RAD9B: variants seen among roughly 807,000 people sequenced by gnomAD.
The protein encoded by RAD9B is cell cycle checkpoint control protein RAD9B.
In RAD9B, 41 loss-of-function variants were observed where a neutral mutation model predicts 48.3. The ratio of observed to expected loss-of-function variants is 0.85; its 90% CI spans 0.66 to 1.10. The LOEUF (loss-of-function observed/expected upper bound fraction) is 1.10. Among genes scored for constraint, RAD9B ranks in the 50% least tolerant of loss-of-function variants. The pLI, the probability that RAD9B is intolerant of heterozygous loss-of-function variation, is 0.00. For synonymous variants in RAD9B, 160 were observed against 157.9 expected (o/e 1.01, Z -0.10); for missense variants, 444 against 485.1 (o/e 0.92, Z 0.80).
At chr12:110,505,966 C>A (rs1236568760) in intron 3 of RAD9B, among the ~76,000 whole-genome samples, 194 bp downstream of exon 3, 1 of 150,338 alleles carries the variant, frequency 6.7e-6, no homozygotes, top group Non-Finnish European at 1.5e-5. Context: ...CTCACTGCAA[C>A]CTCTGCCTCC....
In RAD9B at chr12:110,531,958, G is replaced by C. The variant is rs2064152206; in HGVS notation, c.*1305G>C. On this transcript the variant is annotated 3_prime_UTR_variant, in exon 11 of 11. Coordinates refer to ENST00000409300, the MANE Select transcript of RAD9B (RefSeq NM_001286535.2). ...TTGTGAGAAATTCATAAAGGTGGCT[G>C]AGTGGATTTGCATGCTTTAGAACTG... The C allele has an allele frequency of 1.8e-5, 5 of 283,112 alleles. No individual in the cohort carries two copies. In the South Asian group the frequency reaches 2.4e-4, roughly 13 times the overall value. The allele number at this position is 283,112 out of a possible 1,614,324, so 17.5% of individuals were successfully genotyped here.
Position 110,530,911 on chromosome 12 carries a change from GTTC to G in RAD9B, c.*262_*264del. On this transcript the variant is annotated 3_prime_UTR_variant, in exon 11 of 11. Transcript: ENST00000409300. ...CTGTGAAGGAAAAAAGCCCATTAGA[GTTC>G]TTCAATTCAATGCACGTTCACCCTA... The G allele has an allele frequency of 1.7e-6, 2 of 1,199,498 alleles. No individual in the cohort carries two copies. Among genetic ancestry groups the G allele is most frequent in the Non-Finnish European group, 2.1e-6 (2 of 961,420 alleles). 74.3% of individuals were successfully genotyped at this position (1,199,498 alleles called of 1,614,324 possible).
chr12:110,511,657 T>C (rs1490317223), intron 4 of RAD9B: 1 of 230,776 alleles, frequency 4.3e-6, no homozygotes, highest in African/African-American at 2.3e-5. Flanking sequence ...TAATGTGGGG[T>C]AGCAGAGTAG....
At chr12:110,522,536 G>C in intron 10 of RAD9B, 125 bp downstream of exon 10, 1 of 679,566 alleles carries the variant, frequency 1.5e-6, no homozygotes, top group Non-Finnish European at 2.5e-6. Flanking sequence ...TTTGATAGGG[G>C]AAAAGTGAAG....
At chr12:110,519,942 T>C in intron 9 of RAD9B, 26 bp downstream of exon 9, 1 of 1,605,008 alleles carries the variant, frequency 6.2e-7, no homozygotes, top group Middle Eastern at 1.7e-4. Flanking sequence ...AACTTCTTTA[T>C]TACTTGGGAC....
intron 5 of RAD9B, among the ~76,000 whole-genome samples, chr12:110,513,822 C>G (rs1056842858): frequency 1.3e-5 from 2 of 151,600 alleles, no homozygotes; most frequent in Non-Finnish European, 2.9e-5. Context: ...CTCCTGGGTT[C>G]AAACAATTCT....
In RAD9B at chr12:110,531,014, A is replaced by G; in HGVS notation, c.*361A>G. ...AACAGCCATTTAGAGTGCCATCAAG[A>G]TGGCTTGAAATGGAATTTTGTGATT... On this transcript the variant is annotated 3_prime_UTR_variant, in exon 11 of 11. Coordinates refer to ENST00000409300, the MANE Select transcript of RAD9B (RefSeq NM_001286535.2). The G allele has an allele frequency of 2.0e-6, 2 of 1,008,746 alleles. No individual in the cohort carries two copies. The highest frequency in any genetic ancestry group is 2.4e-6 in the Non-Finnish European group (2 of 845,476). The allele number at this position is 1,008,746 out of a possible 1,614,324, so 62.5% of individuals were successfully genotyped here.
Position 110,530,711 on chromosome 12 carries a change from G to A in RAD9B, c.*58G>A. 16 of 1,605,722 alleles carry A rather than the reference G, an allele frequency of 1.0e-5. No individual in the cohort carries two copies. The highest frequency in any genetic ancestry group is 1.3e-5 in the African/African-American group (1 of 74,722). ...AGTGACTGGCTCATTTGCCCCTCAA[G>A]CACGAGTTTGCATGTTTAGTGTCTA... On this transcript the variant is annotated 3_prime_UTR_variant, in exon 11 of 11. Coordinates refer to ENST00000409300, the MANE Select transcript of RAD9B (RefSeq NM_001286535.2).
Position 110,533,375 on chromosome 12 carries a change from AT to A in RAD9B, c.*2723del, listed in dbSNP as rs1213490227. 3.9e-5 allele frequency: 6 copies of A among 152,204 alleles called. No homozygotes were observed. Among genetic ancestry groups the A allele is most frequent in the African/African-American group, 1.4e-4 (6 of 41,444 alleles). The allele number at this position is 152,204 out of a possible 1,614,324, so 9.4% of individuals were successfully genotyped here. A position where few individuals can be genotyped will look rare whatever the true frequency, so the allele number is the denominator to read the frequency against. The stretch of plus-strand genomic sequence containing the variant: ...TGCCTCTTGGGTAATAAGACAAATA[AT>A]GATAGTCTCAACAGAAAAAAAGCAG... On this transcript the variant is annotated 3_prime_UTR_variant, in exon 11 of 11. Coordinates refer to ENST00000409300, the MANE Select transcript of RAD9B (RefSeq NM_001286535.2).
intron 10 of RAD9B, among the ~76,000 whole-genome samples, chr12:110,525,205 G>C (rs2063899561): frequency 6.6e-6 from 1 of 151,942 alleles, no homozygotes; most frequent in African/African-American, 2.4e-5. Flanking sequence ...TGGCCAGGAT[G>C]GTCTCGATCT....
intron 5 of RAD9B, 40 bp downstream of exon 5, chr12:110,512,918 C>A: frequency 2.1e-6 from 2 of 974,012 alleles, no homozygotes; most frequent in Non-Finnish European, 3.2e-6. Context: ...CACCTGAATA[C>A]AGTATGATCA....
At chr12:110,506,537 A>C (rs375739328) in intron 3 of RAD9B, 42 bp from the exon 4 acceptor site, 4 of 983,414 alleles carry the variant, frequency 4.1e-6, no homozygotes, top group Non-Finnish European at 6.5e-6. Flanking sequence ...AAATGAATCA[A>C]CCATGTTAAG....
Position 110,531,783 on chromosome 12 carries a change from CT to C in RAD9B, c.*1132del. On this transcript the variant is annotated 3_prime_UTR_variant, in exon 11 of 11. Coordinates refer to ENST00000409300, the MANE Select transcript of RAD9B (RefSeq NM_001286535.2). ...GGCACAAAACATTGTTATGTAATGT[CT>C]TATGATGTGTGCCTCTCCCTCCCCC... The C allele has an allele frequency of 3.0e-6, 2 of 658,466 alleles. No individual in the cohort carries two copies. Among genetic ancestry groups the C allele is most frequent in the Non-Finnish European group, 5.1e-6 (2 of 390,324 alleles). The allele number at this position is 658,466 out of a possible 1,614,324, so 40.8% of individuals were successfully genotyped here.
At chr12:110,510,386 G>C (rs920403119) in intron 4 of RAD9B, among the ~76,000 whole-genome samples, 4 of 152,174 alleles carry the variant, frequency 2.6e-5, no homozygotes, top group African/African-American at 9.7e-5. Flanking sequence ...AATACCTGGA[G>C]ATGTTTCCTC....
chr12:110,516,679 G>A (rs975699692), intron 6 of RAD9B, among the ~76,000 whole-genome samples: 4 of 151,818 alleles, frequency 2.6e-5, no homozygotes, highest in Non-Finnish European at 5.9e-5. Flanking sequence ...GCGTGGTGGT[G>A]TGCACCTATA....
rs2064116713 is a variant in RAD9B at position 110,530,786 on chromosome 12, A to G, written c.*133A>G. Reference sequence around the variant, plus strand: ...TTAATGGAGGATGGGCTTTTAAACCACATCATCTTGTACAACAACCATATC... The same window carrying G: ...TTAATGGAGGATGGGCTTTTAAACCGCATCATCTTGTACAACAACCATATC... On this transcript the variant is annotated 3_prime_UTR_variant, in exon 11 of 11. Transcript: ENST00000409300. The G allele has an allele frequency of 6.8e-7, 1 of 1,477,272 alleles. No homozygotes were observed. Among genetic ancestry groups the G allele is most frequent in the Non-Finnish European group, 8.9e-7 (1 of 1,118,892 alleles). The allele number at this position is 1,477,272 out of a possible 1,614,324, so 91.5% of individuals were successfully genotyped here.
Position 110,530,516 on chromosome 12 carries a change from TC to T in RAD9B, c.1126-6del. 6 of 1,613,440 alleles carry T rather than the reference TC, an allele frequency of 3.7e-6. No homozygotes were observed. Among genetic ancestry groups the T allele is most frequent in the Non-Finnish European group, 5.1e-6 (6 of 1,179,698 alleles). On this transcript the variant is annotated splice_polypyrimidine_tract_variant and splice_region_variant and intron_variant, in intron 10 of 10. Coordinates refer to ENST00000409300, the MANE Select transcript of RAD9B (RefSeq NM_001286535.2). ...GGAATCAACAATGCAGTTCCTTTTT[TC>T]CCTCCAGTTTTCTTGCATGTTCTTT...
intron 4 of RAD9B, among the ~76,000 whole-genome samples, chr12:110,509,920 C>T (rs1336752611): frequency 6.6e-6 from 1 of 152,094 alleles, no homozygotes; most frequent in East Asian, 1.9e-4. Context: ...TGCATTTTGT[C>T]CCATGTGCAT....
In RAD9B at chr12:110,532,976, A is replaced by T. The variant is rs2064176491; in HGVS notation, c.*2323A>T. 6.6e-6 allele frequency among the ~76,000 whole-genome samples: 1 copy of T among 152,190 alleles called. No individual in the cohort carries two copies. The highest frequency in any genetic ancestry group is 1.5e-5 in the Non-Finnish European group (1 of 68,024). On this transcript the variant is annotated 3_prime_UTR_variant, in exon 11 of 11. Coordinates refer to ENST00000409300, the MANE Select transcript of RAD9B (RefSeq NM_001286535.2). ...TGACTGTACAGCAGATTTTTTTTGT[A>T]GCTTCCCTCTATACTATACGGAAGG...
Sources: gnomAD v4.1 joint callset for allele counts (sites outside exome capture counted in the v4.1 genomes callset) on GRCh38, gnomAD v4.1.1 for gene constraint, MANE v1.5 for transcripts, NCBI Gene and HGNC (gene_info 2026-07-23, HGNC 2026-07-21) for gene names.